Variants in PKD1 observed in about 807,000 individuals in gnomAD.
The protein encoded by PKD1 is polycystin 1, transient receptor potential channel interacting.
In PKD1, 81 loss-of-function variants were observed where a neutral mutation model predicts 361.7. That is an observed-to-expected ratio of 0.22 (90% CI 0.19 to 0.27). PKD1 has a LOEUF of 0.27. Ranked by LOEUF, PKD1 falls within the 10% of genes least tolerant of loss-of-function variation. PKD1 has a pLI of 1.00. For missense variants in PKD1, 6,399 were observed against 6,118.3 expected, an observed-to-expected ratio of 1.05 and a Z score of -1.53; for synonymous variants, 3,615 against 2,818.3, an observed-to-expected ratio of 1.28 and a Z score of -8.95.
At chr16:2,122,214 C>A (rs1279133159) in intron 1 of PKD1, among the ~76,000 whole-genome samples, 1 of 152,252 alleles carries the variant, frequency 6.6e-6, no homozygotes, top group Non-Finnish European at 1.5e-5. Context: ...GCTGGGTGCC[C>A]AGACAGATGA....
At chr16:2,124,184 C>T (rs941309791) in intron 1 of PKD1, among the ~76,000 whole-genome samples, 6 of 152,218 alleles carry the variant, frequency 3.9e-5, no homozygotes, top group African/African-American at 9.6e-5. Flanking sequence ...CCTCCACACC[C>T]GTCACAGGTG....
intron 1 of PKD1, among the ~76,000 whole-genome samples, chr16:2,129,217 T>C (rs900363161): frequency 2.0e-5 from 3 of 148,624 alleles, no homozygotes; most frequent in African/African-American, 5.0e-5. Context: ...TGGAGTGCAG[T>C]GGCACCATCA....
In PKD1 at chr16:2,117,836, C is replaced by T. The variant is rs2092665708; in HGVS notation, c.1156G>A (p.Glu386Lys). ...AGGGCCACGATGCTGTAGGCGGCCT[C>T]CAGGCCTGAACCACCGCGGTTCTGG... ...SIQNRGGSGLEAAYSIVALGE... is the reference protein window; with the variant it reads ...SIQNRGGSGLKAAYSIVALGE... The change falls in exon 5 of 46, where the codon GAG (glutamate) becomes AAG (lysine). Residue 386 changes from glutamate (E) to lysine (K), a missense_variant. Transcript: ENST00000262304. 1.5e-6 allele frequency: 2 copies of T among 1,300,304 alleles called. No individual in the cohort carries two copies. The highest frequency in any genetic ancestry group is 3.9e-5 in the Admixed American group (2 of 50,720). 80.5% of individuals were successfully genotyped at this position (1,300,304 alleles called of 1,614,324 possible). A position where few individuals can be genotyped will look rare whatever the true frequency, so the allele number is the denominator to read the frequency against.
At position 2,114,546 on chromosome 16, in the gene PKD1, A is replaced by G. The variant is rs1336117080; in HGVS notation, c.2477T>C (p.Val826Ala). Residue 826 changes from valine (V) to alanine (A), a missense_variant, in exon 11 of 46, where the codon GTC becomes GCC. Coordinates refer to ENST00000262304, the MANE Select transcript of PKD1 (RefSeq NM_001009944.3). ...GCCGTCGCGGGGGGCAGGGTAGATG[A>G]CCCGCAGCCCAGCCACTGGGGAGAC... Reference protein sequence around the residue: ...DVVSPVAGLRVIYPAPRDGRL... With the variant: ...DVVSPVAGLRAIYPAPRDGRL... 1.3e-6 allele frequency: 2 copies of G among 1,593,396 alleles called. No homozygotes were observed. The highest frequency in any genetic ancestry group is 8.5e-7 in the Non-Finnish European group (1 of 1,178,602).
intron 39 of PKD1, 83 bp downstream of exon 39, chr16:2,092,397 G>GGGCTGATGCCAGAGCTCCGCTAAA: frequency 9.4e-7 from 1 of 1,060,954 alleles, no homozygotes; most frequent in African/African-American, 1.5e-5. Flanking sequence ...CTAGGGAGCA[G>GGGCTGATGCCAGAGCTCCGCTAAA]GGCTGATGCC....
Position 2,088,883 on chromosome 16 carries a change from A to ACGCG in PKD1, c.*843_*844insCGCG. 1 of 209,996 alleles carries ACGCG rather than the reference A, an allele frequency of 4.8e-6. No individual in the cohort carries two copies. The highest frequency in any genetic ancestry group is 9.4e-6 in the Non-Finnish European group (1 of 106,152). 13.0% of individuals were successfully genotyped at this position (209,996 alleles called of 1,614,324 possible). On this transcript the variant is annotated 3_prime_UTR_variant, in exon 46 of 46. Coordinates refer to ENST00000262304, the MANE Select transcript of PKD1 (RefSeq NM_001009944.3). ...AGCACACTCGCGCGTGCGCGCGCGC[A>ACGCG]CACACACACACACACAGTCACCTTC...
chr16:2,093,886 C>T lies in PKD1; in HGVS notation c.10746G>A (p.Pro3582=), dbSNP rs368766213. ...VSGWVGASFP[P]GVSVAWLLSS... ...ACAGGAGCCACGCAACACTCACGCC[C>T]GGGGGGAAGCTCGCACCCACCCACC... Residue 3582 remains proline, a synonymous_variant, in exon 36 of 46, where the codon CCG becomes CCA. Transcript: ENST00000262304. 1.3e-5 allele frequency: 20 copies of T among 1,576,868 alleles called. No homozygotes were observed. The highest frequency in any genetic ancestry group is 9.4e-5 in the African/African-American group (7 of 74,300).
At chr16:2,129,205 G>A (rs1418428296) in intron 1 of PKD1, among the ~76,000 whole-genome samples, 1 of 149,480 alleles carries the variant, frequency 6.7e-6, no homozygotes, top group African/African-American at 2.5e-5. Context: ...AGTCGCCCAG[G>A]CTGGAGTGCA....
intron 24 of PKD1, 89 bp from the exon 25 acceptor site, chr16:2,102,722 C>G (rs1008016151): frequency 1.2e-6 from 2 of 1,605,128 alleles, no homozygotes; most frequent in African/African-American, 2.7e-5. Flanking sequence ...CCAGTCCCCT[C>G]GCTGCCTGCC....
At chr16:2,099,429 A>G in intron 30 of PKD1, 1 of 656,218 alleles carries the variant, frequency 1.5e-6, no homozygotes, top group East Asian at 2.9e-5. Flanking sequence ...TGCTTAGCAA[A>G]GTGCCCTCGT....
At chr16:2,134,617 G>A (rs1407017875) in intron 1 of PKD1, among the ~76,000 whole-genome samples, 1 of 151,776 alleles carries the variant, frequency 6.6e-6, no homozygotes, top group African/African-American at 2.4e-5. Context: ...TCCCGGCTGT[G>A]ATGCCTGGGA....
At chr16:2,104,359 GGGATGA>G in intron 22 of PKD1, 133 bp downstream of exon 22, 2 of 536,948 alleles carry the variant, frequency 3.7e-6, no homozygotes, top group South Asian at 1.9e-5. Context: ...TTGGGGGAGG[GGGATGA>G]GGATGGGAAT....
In PKD1 at chr16:2,114,598, G is replaced by T. The variant is rs372167915; in HGVS notation, c.2425C>A (p.His809Asn). 2.5e-6 allele frequency: 4 copies of T among 1,588,504 alleles called. No homozygotes were observed. The highest frequency in any genetic ancestry group is 2.2e-5 in the South Asian group (2 of 89,804). ...ACGTCAAAGCTGCAGGAGAGGTTGT[G>T]CCTGGACACGCCATTGCCCACCTCT... Reference protein sequence around the residue: ...RAEVGNGVSRHNLSCSFDVVS... With the variant: ...RAEVGNGVSRNNLSCSFDVVS... The change falls in exon 11 of 46, where the codon CAC (histidine) becomes AAC (asparagine). Residue 809 changes from histidine to asparagine, a missense_variant. Physicochemically the swap from His to Asn is moderately conservative, Grantham distance 68. Transcript: ENST00000262304.
intron 1 of PKD1, among the ~76,000 whole-genome samples, chr16:2,124,828 G>T (rs942979481): frequency 1.1e-3 from 160 of 152,346 alleles, no homozygotes; most frequent in Non-Finnish European, 1.7e-3. Flanking sequence ...CGCCTGCGGA[G>T]CTTATGTAAC....
chr16:2,091,329 G>GCTGCCGGGGCGGGGCC (rs2091553250), intron 42 of PKD1, 94 bp downstream of exon 42: 2 of 390,358 alleles, frequency 5.1e-6, no homozygotes, highest in Non-Finnish European at 6.4e-6. Context: ...GGGGCGGGGC[G>GCTGCCGGGGCGGGGCC]CTGCGAGGGG....
chr16:2,091,943 C>A (rs2091605160), intron 40 of PKD1, 37 bp from the exon 41 acceptor site: 1 of 1,611,720 alleles, frequency 6.2e-7, no homozygotes, highest in Non-Finnish European at 8.5e-7. Context: ...CGCACCCCAG[C>A]CCTTCCGGCA....
Position 2,111,506 on chromosome 16 carries a change from G to A in PKD1, c.3661C>T (p.Leu1221=), listed in dbSNP as rs528002880. The change falls in exon 15 of 46, where the codon CTG becomes TTG. Residue 1221 remains leucine (L), a synonymous_variant. Coordinates refer to ENST00000262304, the MANE Select transcript of PKD1 (RefSeq NM_001009944.3). Reference sequence around the variant, plus strand: ...ACGGGGGCGCCCTGCTCCACGGCCAGGCTCATGTCCACGCTGAGTCCGCGG... The same window carrying A: ...ACGGGGGCGCCCTGCTCCACGGCCAAGCTCATGTCCACGCTGAGTCCGCGG... The part of the protein sequence containing the change: ...ELRGLSVDMS[L]AVEQGAPVVV... The A allele has an allele frequency of 5.0e-6, 8 of 1,610,686 alleles. No individual in the cohort carries two copies. Among genetic ancestry groups the A allele is most frequent in the East Asian group, 2.2e-5 (1 of 44,812 alleles).
chr16:2,095,824 G>A (rs1182666540), intron 34 of PKD1, among the ~76,000 whole-genome samples: 3 of 152,218 alleles, frequency 2.0e-5, no homozygotes, highest in Non-Finnish European at 2.9e-5. Flanking sequence ...CCCCGCGGAA[G>A]CACTGAATCT....
intron 30 of PKD1, chr16:2,099,101 G>A (rs1298493718): frequency 1.3e-5 from 3 of 234,540 alleles, no homozygotes; most frequent in South Asian, 5.4e-5. Context: ...CAAAGTGCTG[G>A]GATTACAGGC....
Sources: gnomAD v4.1 joint callset for allele counts (sites outside exome capture counted in the v4.1 genomes callset) on GRCh38, gnomAD v4.1.1 for gene constraint, MANE v1.5 for transcripts, NCBI Gene and HGNC (gene_info 2026-07-23, HGNC 2026-07-21) for gene names.